The following TLR5 variants were observed in gnomAD, a reference collection of about 807,000 sequenced individuals.
TLR5 encodes the protein toll like receptor 5, also known as toll-like receptor 5.
For synonymous variants in TLR5, 373 were observed against 384.4 expected, an observed-to-expected ratio of 0.97 and a Z score of 0.35; for missense variants, 944 against 999.8, an observed-to-expected ratio of 0.94 and a Z score of 0.75.
At chr1:223,133,896 C>G (rs1297012062) in intron 4 of TLR5, among the ~76,000 whole-genome samples, 10 of 152,190 alleles carry the variant, frequency 6.6e-5, no homozygotes, top group African/African-American at 2.2e-4. Context: ...GAGCCGCGGC[C>G]GGAGAGTCGA....
intron 4 of TLR5, among the ~76,000 whole-genome samples, chr1:223,133,743 G>A (rs946798073): frequency 3.9e-5 from 6 of 152,246 alleles, no homozygotes; most frequent in African/African-American, 1.4e-4. Context: ...TTGAGGAGGA[G>A]GGGATGGATG....
chr1:223,111,596 A>T lies in TLR5; in HGVS notation c.1436T>A (p.Phe479Tyr). Reference sequence around the variant, plus strand: ...AAGTTGCAACATATTTTCTCCAAGGAAAAGCTGTTCTAAGCTGGGATTCTC... The same window carrying T: ...AAGTTGCAACATATTTTCTCCAAGGTAAAGCTGTTCTAAGCTGGGATTCTC... ...PSENPSLEQL[F>Y]LGENMLQLAW... Residue 479 changes from phenylalanine to tyrosine, a missense_variant, in exon 6 of 6, where the codon TTC (phenylalanine) becomes TAC (tyrosine). Coordinates refer to ENST00000642603, the MANE Select transcript of TLR5 (RefSeq NM_003268.6). The T allele has an allele frequency of 6.2e-7, 1 of 1,614,194 alleles. No homozygotes were observed. The highest frequency in any genetic ancestry group is 1.1e-5 in the South Asian group (1 of 91,078).
chr1:223,110,833 G>A lies in TLR5; in HGVS notation c.2199C>T (p.Asp733=), dbSNP rs763306198. 1 of 1,614,232 alleles carries A rather than the reference G, an allele frequency of 6.2e-7. No homozygotes were observed. The highest frequency in any genetic ancestry group is 1.1e-5 in the South Asian group (1 of 91,084). Residue 733 remains aspartate, a synonymous_variant, in exon 6 of 6, where the codon GAC becomes GAT. Transcript: ENST00000642603. ...CAATGCGGTTTTCTCCTGGGACAAA[G>A]TCTCTTTCTTCAAAGCACAGGTTGA... ...NRFNLCFEER[D]FVPGENRIAN... is the part of the protein sequence containing the mutation.
chr1:223,111,580 C>T lies in TLR5; in HGVS notation c.1452G>A (p.Met484Ile), dbSNP rs757464705. The T allele has an allele frequency of 2.1e-5, 34 of 1,614,034 alleles. No individual in the cohort carries two copies. The highest frequency in any genetic ancestry group is 3.3e-5 in the Admixed American group (2 of 60,002). The change falls in exon 6 of 6, where the codon ATG (methionine) becomes ATA (isoleucine). Residue 484 changes from methionine (M) to isoleucine (I), a missense_variant. Physicochemically the swap from Met to Ile is conservative, Grantham distance 10 (BLOSUM62 1). Transcript: ENST00000642603. ...SLEQLFLGEN[M>I]LQLAWETELC... ...GCTCAGTTTCCCAGGCAAGTTGCAACATATTTTCTCCAAGGAAAAGCTGTT... is the reference window on the plus strand; with the variant it reads ...GCTCAGTTTCCCAGGCAAGTTGCAATATATTTTCTCCAAGGAAAAGCTGTT...
chr1:223,119,125 A>G (rs989056112), intron 5 of TLR5, among the ~76,000 whole-genome samples: 1 of 152,046 alleles, frequency 6.6e-6, no homozygotes, highest in African/African-American at 2.4e-5. Flanking sequence ...AAAGAAATGA[A>G]AAAGAAGAGA....
At chr1:223,141,822 T>TATATATAGAGAGAGAGAGAG (rs1398290863) in intron 1 of TLR5, 59 bp from the exon 2 acceptor site, 1 of 42,992 alleles carries the variant, frequency 2.3e-5, no homozygotes, top group African/African-American at 9.4e-5. Context: ...TATATATATA[T>TATATATAGAGAGAGAGAGAG]AGAGAGAGAG....
At chr1:223,141,454 C>T (rs919846748) in intron 2 of TLR5, 194 bp downstream of exon 2, 2 of 152,094 alleles carry the variant, frequency 1.3e-5, no homozygotes, top group African/African-American at 4.8e-5. Flanking sequence ...TACGCACAGG[C>T]ATGGTCATGC....
chr1:223,133,044 G>T (rs940430239), intron 4 of TLR5, among the ~76,000 whole-genome samples: 8 of 152,160 alleles, frequency 5.3e-5, no homozygotes, highest in African/African-American at 1.7e-4. Flanking sequence ...GCTCTCTAGG[G>T]ACAGATAGAA....
chr1:223,117,440 C>T (rs1476292818), intron 5 of TLR5, among the ~76,000 whole-genome samples: 4 of 151,696 alleles, frequency 2.6e-5, no homozygotes, highest in Middle Eastern at 6.8e-3. Context: ...GGCAGTGAGG[C>T]TGAGGAGGCA....
At chr1:223,129,810 C>T (rs1272069008) in intron 5 of TLR5, among the ~76,000 whole-genome samples, 5 of 152,210 alleles carry the variant, frequency 3.3e-5, no homozygotes, top group East Asian at 1.9e-4. Flanking sequence ...ATTAACACAG[C>T]GGGCTAAACG....
chr1:223,117,604 A>G (rs1007266662), intron 5 of TLR5, among the ~76,000 whole-genome samples: 3 of 151,748 alleles, frequency 2.0e-5, no homozygotes, highest in African/African-American at 7.3e-5. Flanking sequence ...GAAAAAAAGG[A>G]AAGAGTATGT....
intron 2 of TLR5, chr1:223,141,232 A>G (rs377564403): frequency 5.9e-5 from 9 of 152,320 alleles, no homozygotes; most frequent in African/African-American, 1.7e-4. Flanking sequence ...ATGCACGGGA[A>G]TGAACAACGG....
chr1:223,113,079 G>A (rs755875583), intron 5 of TLR5, 44 bp from the exon 6 acceptor site: 12 of 1,590,832 alleles, frequency 7.5e-6, no homozygotes, highest in East Asian at 2.2e-5. Context: ...ATTTAAGCTC[G>A]AGGTATTGCA....
At chr1:223,123,866 C>T (rs1657046781) in intron 5 of TLR5, 1 of 152,180 alleles carries the variant, frequency 6.6e-6, no homozygotes, top group East Asian at 1.9e-4. Flanking sequence ...TGCAAAGGCG[C>T]CCGACCCCAG....
chr1:223,136,103 G>A (rs1657601133), intron 3 of TLR5, among the ~76,000 whole-genome samples: 1 of 152,182 alleles, frequency 6.6e-6, no homozygotes, highest in South Asian at 2.1e-4. Context: ...GCCAAGTTGG[G>A]GGAAGAGGGG....
In TLR5 at chr1:223,110,602, T is replaced by C; in HGVS notation, c.2430A>G (p.Val810=). The change falls in exon 6 of 6, where the codon GTA becomes GTG. Residue 810 remains valine, a synonymous_variant. Transcript: ENST00000642603. Reference sequence around the variant, plus strand: ...GCCACCTCAAATACTGCTGTTTCTGTACAAAGCCTCTGATGGATTGATGTT... The same window carrying C: ...GCCACCTCAAATACTGCTGTTTCTGCACAAAGCCTCTGATGGATTGATGTT... ...LMKHQSIRGF[V]QKQQYLRWPE... The C allele has an allele frequency of 6.2e-7, 1 of 1,614,210 alleles. No homozygotes were observed. Among genetic ancestry groups the C allele is most frequent in the Non-Finnish European group, 8.5e-7 (1 of 1,180,044 alleles).
intron 5 of TLR5, among the ~76,000 whole-genome samples, chr1:223,117,238 A>C (rs1656711197): frequency 6.6e-6 from 1 of 151,994 alleles, no homozygotes; most frequent in Non-Finnish European, 1.5e-5. Context: ...GCTCCGAGTT[A>C]GGGCCTGCCA....
chr1:223,117,831 T>G (rs1438919028), intron 5 of TLR5, among the ~76,000 whole-genome samples: 1 of 152,212 alleles, frequency 6.6e-6, no homozygotes, highest in Non-Finnish European at 1.5e-5. Flanking sequence ...TGATAATGTA[T>G]GTCAATGAAA....
intron 1 of TLR5, 55 bp from the exon 2 acceptor site, chr1:223,141,818 T>TAGAGAG (rs1558137163): frequency 4.6e-5 from 2 of 43,286 alleles, no homozygotes; most frequent in Non-Finnish European, 4.4e-5. Flanking sequence ...TATATATATA[T>TAGAGAG]ATATAGAGAG....
Sources: gnomAD v4.1 joint callset for allele counts (sites outside exome capture counted in the v4.1 genomes callset) on GRCh38, gnomAD v4.1.1 for gene constraint, MANE v1.5 for transcripts, NCBI Gene and HGNC (gene_info 2026-07-23, HGNC 2026-07-21) for gene names.